Variants in ZNF66 observed in about 807,000 individuals in gnomAD.
The protein encoded by ZNF66 is zinc finger protein 66.
A neutral mutation model predicts 35.2 loss-of-function variants in ZNF66; 32 were observed. The ratio of observed to expected loss-of-function variants is 0.91; its 90% CI spans 0.69 to 1.22. The LOEUF (loss-of-function observed/expected upper bound fraction) is 1.22, where lower values mean the gene tolerates loss of function less well. Among genes scored for constraint, ZNF66 ranks in the 50% most tolerant of loss-of-function variants. The pLI is 0.00. For missense variants in ZNF66, 666 were observed against 543.1 expected, an observed-to-expected ratio of 1.23 and a Z score of -2.25; for synonymous variants, 231 against 181.3, an observed-to-expected ratio of 1.27 and a Z score of -2.20.
At chr19:20,792,663 T>C in intron 2 of ZNF66, 25 bp downstream of exon 2, 1 of 1,165,226 alleles carries the variant, frequency 8.6e-7, no homozygotes, top group Non-Finnish European at 1.2e-6. Flanking sequence ...AATACATAAC[T>C]CATAATATAC....
chr19:20,788,295 A>G (rs1405981971), intron 1 of ZNF66, among the ~76,000 whole-genome samples: 1 of 151,646 alleles, frequency 6.6e-6, no homozygotes, highest in Non-Finnish European at 1.5e-5. Flanking sequence ...ATTATGCATC[A>G]TATGGTTGGT....
chr19:20,806,087 C>CA lies in ZNF66; in HGVS notation c.488dup (p.His163GlnfsTer2), dbSNP rs1417575875. The CA allele has an allele frequency of 2.3e-6, 2 of 879,378 alleles. No homozygotes were observed. Among genetic ancestry groups the CA allele is most frequent in the Non-Finnish European group, 3.8e-6 (2 of 524,950 alleles). 54.5% of individuals were successfully genotyped at this position (879,378 alleles called of 1,614,324 possible). ...TCATCAATTTTCAAATACAAACAGACATAAGATAAGACATACTGGAAAAAA... is the reference window on the plus strand; with the variant it reads ...TCATCAATTTTCAAATACAAACAGACAATAAGATAAGACATACTGGAAAAAA... On this transcript the variant is annotated frameshift_variant, in exon 4 of 4. Coordinates refer to ENST00000344519, the MANE Select transcript of ZNF66 (RefSeq NM_001355197.2). LOFTEE classifies it high-confidence loss of function.
chr19:20,797,189 A>ATTTTTTTTTTTTTTTT (rs142052913), intron 3 of ZNF66, among the ~76,000 whole-genome samples: 4 of 45,480 alleles, frequency 8.8e-5, no homozygotes, highest in Non-Finnish European at 8.3e-5. Flanking sequence ...TGCATGCTAG[A>ATTTTTTTTTTTTTTTT]TTTTTTTTTT....
intron 1 of ZNF66, among the ~76,000 whole-genome samples, chr19:20,787,306 A>G (rs966803511): frequency 3.9e-5 from 6 of 152,096 alleles, no homozygotes; most frequent in African/African-American, 1.4e-4. Context: ...ACTTATGTTC[A>G]TGTTGTGTCA....
chr19:20,790,445 G>T (rs1449053956), intron 1 of ZNF66, among the ~76,000 whole-genome samples: 1 of 151,708 alleles, frequency 6.6e-6, no homozygotes, highest in Non-Finnish European at 1.5e-5. Flanking sequence ...GGACAGGTCA[G>T]TGTGGTGCAT....
At chr19:20,792,326 T>G (rs1210648404) in intron 1 of ZNF66, among the ~76,000 whole-genome samples, 186 bp from the exon 2 acceptor site, 1 of 151,102 alleles carries the variant, frequency 6.6e-6, no homozygotes, top group African/African-American at 2.4e-5. Flanking sequence ...CTTATGTTCC[T>G]TTATTTTCTC....
intron 3 of ZNF66, among the ~76,000 whole-genome samples, chr19:20,800,650 T>G (rs1297311567): frequency 6.6e-6 from 1 of 152,202 alleles, no homozygotes; most frequent in Admixed American, 6.5e-5. Flanking sequence ...TCACACTTAC[T>G]CTGTCTCTTA....
rs879637768 is a variant in ZNF66, at chr19:20,793,327, C to CTTTTTTTTTTTT, written c.131-452_131-451insTTTTTTTTTTTT. On this transcript the variant is annotated intron_variant, in intron 2 of 3. Coordinates refer to ENST00000344519, the MANE Select transcript of ZNF66 (RefSeq NM_001355197.2). ...CTTTTCTTTTCTTTTCTTTTCTTTT[C>CTTTTTTTTTTTT]TTTTCTTTTTTTTTTTTTTTTGAGA... is the stretch of plus-strand genomic sequence containing the variant. Among the ~76,000 whole-genome samples, 32 of 74,718 alleles carry CTTTTTTTTTTTT rather than the reference C, an allele frequency of 4.3e-4. 4 individuals carry two copies. Among genetic ancestry groups the CTTTTTTTTTTTT allele is most frequent in the South Asian group, 1.6e-3 (3 of 1,870 alleles). 49.0% of individuals were successfully genotyped at this position (74,718 alleles called of 152,430 possible).
At chr19:20,782,087 C>T (rs1429645013) in intron 1 of ZNF66, among the ~76,000 whole-genome samples, 1 of 152,058 alleles carries the variant, frequency 6.6e-6, no homozygotes, top group Non-Finnish European at 1.5e-5. Flanking sequence ...TACACCTGGG[C>T]GTTACCACAC....
chr19:20,776,621 C>A, intron 1 of ZNF66, 171 bp downstream of exon 1: 1 of 992,008 alleles, frequency 1.0e-6, no homozygotes, highest in Non-Finnish European at 1.5e-6. Context: ...CCCCGGGCGT[C>A]CTGTCGCTTC....
Position 20,808,262 on chromosome 19 carries a change from T to G in ZNF66, c.*940T>G, listed in dbSNP as rs958384157. Among the ~76,000 whole-genome samples the G allele has an allele frequency of 5.3e-5, 8 of 152,228 alleles. No individual in the cohort carries two copies. Among genetic ancestry groups the G allele is most frequent in the African/African-American group, 1.9e-4 (8 of 41,466 alleles). ...AGGAGGCCTGCCTGCCTCTGTAGGC[T>G]CCACCTCTGGGGTCAGGGCACAGAC... On this transcript the variant is annotated 3_prime_UTR_variant, in exon 4 of 4. Coordinates refer to ENST00000344519, the MANE Select transcript of ZNF66 (RefSeq NM_001355197.2).
In ZNF66 at chr19:20,792,037, G is replaced by A. The variant is rs1459405176; in HGVS notation, c.4-475G>A. Reference sequence around the variant, plus strand: ...AGGCTCTTCCACTTACTGGATGTTTGACAAAATATTCTTCTTGGGCCAAAA... The same window carrying A: ...AGGCTCTTCCACTTACTGGATGTTTAACAAAATATTCTTCTTGGGCCAAAA... On this transcript the variant is annotated intron_variant, in intron 1 of 3. Transcript: ENST00000344519. Among the ~76,000 whole-genome samples, 3 of 151,208 alleles carry A rather than the reference G, an allele frequency of 2.0e-5. No homozygotes were observed. In the East Asian group the frequency reaches 5.8e-4, roughly 29 times the overall value.
Position 20,805,809 on chromosome 19 carries a change from T to G in ZNF66, c.227-18T>G. On this transcript the variant is annotated intron_variant, in intron 3 of 3. Transcript: ENST00000344519. ...GAGTCTAGCAAGTGAAGTAGTGTGT[T>G]TTTATGGTTTCTTTCAGTTTTGTGT... 3.6e-6 allele frequency: 2 copies of G among 553,382 alleles called. No homozygotes were observed. The highest frequency in any genetic ancestry group is 3.6e-5 in the South Asian group (1 of 28,078). 34.3% of individuals were successfully genotyped at this position (553,382 alleles called of 1,614,324 possible).
intron 1 of ZNF66, among the ~76,000 whole-genome samples, chr19:20,776,844 G>A (rs926235811): frequency 9.9e-5 from 15 of 152,168 alleles, no homozygotes; most frequent in Non-Finnish European, 1.9e-4. Context: ...GCCGGGCGCG[G>A]TCGTTCAAGC....
Position 20,805,900 on chromosome 19 carries a change from G to A in ZNF66, c.300G>A (p.Leu100=). 1 of 664,362 alleles carries A rather than the reference G, an allele frequency of 1.5e-6. No homozygotes were observed. The highest frequency in any genetic ancestry group is 1.8e-5 in the African/African-American group (1 of 55,548). 41.2% of individuals were successfully genotyped at this position (664,362 alleles called of 1,614,324 possible). A position where few individuals can be genotyped will look rare whatever the true frequency, so the allele number is the denominator to read the frequency against. ...SIKDSFQKLI[L]RRHKKCGHDN... ...AAGATTCTTTCCAAAAACTGATACT[G>A]AGAAGGCATAAAAAATGTGGACATG... Residue 100 remains leucine, a synonymous_variant, in exon 4 of 4, where the codon CTG becomes CTA. Transcript: ENST00000344519.
chr19:20,782,038 G>A (rs942337693), intron 1 of ZNF66, among the ~76,000 whole-genome samples: 3 of 152,156 alleles, frequency 2.0e-5, no homozygotes, highest in African/African-American at 7.2e-5. Context: ...CCAGGCTAAA[G>A]CAATTCTCTC....
chr19:20,808,336 C>A lies in ZNF66; in HGVS notation c.*1014C>A, dbSNP rs1971547291. Among the ~76,000 whole-genome samples the A allele has an allele frequency of 6.6e-6, 1 of 152,336 alleles. No homozygotes were observed. The highest frequency in any genetic ancestry group is 3.4e-3 in the Middle Eastern group (1 of 294). On this transcript the variant is annotated 3_prime_UTR_variant, in exon 4 of 4. Transcript: ENST00000344519. ...AGACTTAAACGTCCCTGTCTGACAGCTTTGAAGAGAGTAGTGGTTCTCCCA... is the reference window on the plus strand; with the variant it reads ...AGACTTAAACGTCCCTGTCTGACAGATTTGAAGAGAGTAGTGGTTCTCCCA...
chr19:20,790,412 CCTATT>C (rs1971325814), intron 1 of ZNF66, among the ~76,000 whole-genome samples: 1 of 151,860 alleles, frequency 6.6e-6, no homozygotes, highest in Admixed American at 6.6e-5. Flanking sequence ...GGTCACAGGG[CCTATT>C]CTATTTGGGT....
At chr19:20,794,791 G>T (rs1210051409) in intron 3 of ZNF66, among the ~76,000 whole-genome samples, 8 of 148,272 alleles carry the variant, frequency 5.4e-5, no homozygotes, top group African/African-American at 2.0e-4. Flanking sequence ...TTTACTGAGT[G>T]TATTTATTAG....
Sources: allele counts gnomAD v4.1 joint callset (sites outside exome capture counted in the v4.1 genomes callset), GRCh38; gene constraint gnomAD v4.1.1; transcripts MANE v1.5; gene names NCBI Gene and HGNC (gene_info 2026-07-23, HGNC 2026-07-21).